EIF4EBP1: variants seen among roughly 807,000 people sequenced by gnomAD.
The protein encoded by EIF4EBP1 is eukaryotic translation initiation factor 4E-binding protein 1.
In EIF4EBP1, 5 loss-of-function variants were observed where a neutral mutation model predicts 9.2. The ratio of observed to expected loss-of-function variants is 0.54; its 90% CI spans 0.28 to 1.14. The LOEUF is 1.14. Ranked by LOEUF, EIF4EBP1 falls within the 50% of genes most tolerant of loss-of-function variation. EIF4EBP1 has a pLI of 0.09. For synonymous variants in EIF4EBP1, 62 were observed against 67.0 expected (o/e 0.93, Z 0.36); for missense variants, 139 against 169.6 (o/e 0.82, Z 1.00).
intron 1 of EIF4EBP1, among the ~76,000 whole-genome samples, chr8:38,034,358 T>A (rs1809271708): frequency 6.6e-6 from 1 of 152,206 alleles, no homozygotes; most frequent in Non-Finnish European, 1.5e-5. Context: ...TCCAGTTTGC[T>A]TTCCATGGTC....
intron 1 of EIF4EBP1, among the ~76,000 whole-genome samples, chr8:38,037,621 C>G (rs1401317057): frequency 6.6e-6 from 1 of 151,976 alleles, no homozygotes; most frequent in Non-Finnish European, 1.5e-5. Flanking sequence ...TCAGGATAAC[C>G]TAGTTTTCTT....
Position 38,039,140 on chromosome 8 carries a change from C to T in EIF4EBP1, c.145+8422C>T, listed in dbSNP as rs552892569. ...CTCCCAAGCTCAGGTGATCCGCCCACCTCGTCCTCCCAAAGTGTTGGGATT... is the reference window on the plus strand; with the variant it reads ...CTCCCAAGCTCAGGTGATCCGCCCATCTCGTCCTCCCAAAGTGTTGGGATT... On this transcript the variant is annotated intron_variant, in intron 1 of 2. Transcript: ENST00000338825. Among the ~76,000 whole-genome samples the T allele has an allele frequency of 1.1e-3, 165 of 152,180 alleles. 1 individual carries two copies. The highest frequency in any genetic ancestry group is 3.8e-3 in the African/African-American group (158 of 41,542).
At chr8:38,043,626 G>A (rs1809412952) in intron 1 of EIF4EBP1, among the ~76,000 whole-genome samples, 1 of 152,026 alleles carries the variant, frequency 6.6e-6, no homozygotes, top group Non-Finnish European at 1.5e-5. Context: ...GATAACAGGT[G>A]TGAGCTATCA....
chr8:38,053,884 G>A (rs560064329), intron 1 of EIF4EBP1, among the ~76,000 whole-genome samples: 3 of 152,328 alleles, frequency 2.0e-5, no homozygotes, highest in Non-Finnish European at 2.9e-5. Flanking sequence ...AACCCTGCTT[G>A]CCAGGGCCTA....
intron 1 of EIF4EBP1, among the ~76,000 whole-genome samples, chr8:38,044,016 G>A (rs539065207): frequency 6.6e-6 from 1 of 152,202 alleles, no homozygotes; most frequent in African/African-American, 2.4e-5. Context: ...AGGTTAACAG[G>A]GAGCTGCCTC....
At chr8:38,040,503 C>G (rs1453120943) in intron 1 of EIF4EBP1, among the ~76,000 whole-genome samples, 1 of 152,152 alleles carries the variant, frequency 6.6e-6, no homozygotes, top group African/African-American at 2.4e-5. Context: ...TAAACAGCAG[C>G]GATTTGTTAT....
At chr8:38,043,752 C>A (rs1809414990) in intron 1 of EIF4EBP1, among the ~76,000 whole-genome samples, 1 of 152,168 alleles carries the variant, frequency 6.6e-6, no homozygotes, top group Non-Finnish European at 1.5e-5. Flanking sequence ...CATAAGACCC[C>A]TGGCCCCTGA....
chr8:38,034,221 A>AT (rs1290626539), intron 1 of EIF4EBP1, among the ~76,000 whole-genome samples: 2 of 150,694 alleles, frequency 1.3e-5, no homozygotes, highest in African/African-American at 4.9e-5. Context: ...TAATTTTTTT[A>AT]TTTTTTTGTA....
At chr8:38,047,564 A>G (rs1224633059) in intron 1 of EIF4EBP1, among the ~76,000 whole-genome samples, 3 of 151,504 alleles carry the variant, frequency 2.0e-5, no homozygotes, top group African/African-American at 7.3e-5. Context: ...AACTCACTGC[A>G]ACATCTGCCT....
intron 1 of EIF4EBP1, among the ~76,000 whole-genome samples, chr8:38,034,806 GCT>G (rs1474349638): frequency 6.6e-6 from 1 of 152,220 alleles, no homozygotes; most frequent in African/African-American, 2.4e-5. Context: ...GGGGATGTAG[GCT>G]GGGCACCAAA....
chr8:38,030,749 G>C (rs1397054255), intron 1 of EIF4EBP1, 31 bp downstream of exon 1: 10 of 1,374,854 alleles, frequency 7.3e-6, no homozygotes, highest in Middle Eastern at 2.2e-4. Context: ...GCCGCTTGCC[G>C]GCTCCTGGGC....
chr8:38,053,129 T>A (rs963812999), intron 1 of EIF4EBP1, among the ~76,000 whole-genome samples: 1 of 152,076 alleles, frequency 6.6e-6, no homozygotes, highest in Non-Finnish European at 1.5e-5. Flanking sequence ...ACAATTCTCC[T>A]GCTTCAACCT....
intron 1 of EIF4EBP1, among the ~76,000 whole-genome samples, chr8:38,039,117 C>T (rs1263864042): frequency 6.6e-6 from 1 of 152,002 alleles, no homozygotes; most frequent in Non-Finnish European, 1.5e-5. Flanking sequence ...GTCTCGAACT[C>T]CCAAGCTCAG....
At chr8:38,039,993 A>G (rs780592226) in intron 1 of EIF4EBP1, among the ~76,000 whole-genome samples, 5 of 152,076 alleles carry the variant, frequency 3.3e-5, no homozygotes, top group Non-Finnish European at 7.4e-5. Flanking sequence ...GGCTCAAGCA[A>G]TCTTCCTGCC....
At chr8:38,059,800 A>C (rs1809647066) in intron 2 of EIF4EBP1, 104 bp from the exon 3 acceptor site, 2 of 1,092,482 alleles carry the variant, frequency 1.8e-6, no homozygotes, top group African/African-American at 3.2e-5. Context: ...TTTTCTTTAT[A>C]AATTACCCAA....
At chr8:38,040,782 C>T (rs186421281) in intron 1 of EIF4EBP1, among the ~76,000 whole-genome samples, 53 of 152,304 alleles carry the variant, frequency 3.5e-4, no homozygotes, top group Non-Finnish European at 6.9e-4. Flanking sequence ...GCTCAGAAGT[C>T]CCATAACATC....
intron 1 of EIF4EBP1, among the ~76,000 whole-genome samples, chr8:38,050,215 T>G (rs1809501451): frequency 6.6e-6 from 1 of 152,022 alleles, no homozygotes; most frequent in Non-Finnish European, 1.5e-5. Flanking sequence ...CCCGGCCTCT[T>G]TTGTTTTTCT....
intron 1 of EIF4EBP1, among the ~76,000 whole-genome samples, chr8:38,036,285 G>T (rs1217099972): frequency 6.6e-6 from 1 of 151,992 alleles, no homozygotes; most frequent in Non-Finnish European, 1.5e-5. Flanking sequence ...AGGCTAAGCA[G>T]ATCACCTGAG....
chr8:38,058,142 T>C (rs575966990), intron 2 of EIF4EBP1, among the ~76,000 whole-genome samples: 13 of 152,254 alleles, frequency 8.5e-5, no homozygotes, highest in African/African-American at 1.9e-4. Flanking sequence ...AGACAGACAA[T>C]AGTTGCCTGT....
Sources: allele counts gnomAD v4.1 joint callset (sites outside exome capture counted in the v4.1 genomes callset), GRCh38; gene constraint gnomAD v4.1.1; transcripts MANE v1.5; gene names NCBI Gene and HGNC (gene_info 2026-07-23, HGNC 2026-07-21).